HSDL2: variants seen among roughly 807,000 people sequenced by gnomAD.
HSDL2 encodes hydroxysteroid dehydrogenase-like protein 2.
HSDL2 carries 27 observed loss-of-function variants against 46.3 expected under a neutral mutation model. The ratio of observed to expected loss-of-function variants is 0.58; its 90% CI spans 0.43 to 0.80. The LOEUF (loss-of-function observed/expected upper bound fraction) is 0.80. Ranked by LOEUF, HSDL2 falls within the 30% of genes least tolerant of loss-of-function variation. HSDL2 has a pLI of 0.00. For synonymous variants in HSDL2, 153 were observed against 163.6 expected (o/e 0.94, Z 0.50); for missense variants, 451 against 502.7 (o/e 0.90, Z 0.98).
At chr9:112,403,907 A>G in intron 1 of HSDL2, 88 bp from the exon 2 acceptor site, 2 of 1,365,368 alleles carry the variant, frequency 1.5e-6, no homozygotes, top group South Asian at 1.3e-5. Context: ...GAGGAAACAT[A>G]TATTATGAAA....
intron 10 of HSDL2, among the ~76,000 whole-genome samples, chr9:112,465,315 G>A (rs2132715360): frequency 1.3e-5 from 2 of 152,222 alleles, no homozygotes; most frequent in East Asian, 3.9e-4. Context: ...TTTTAGTAGA[G>A]ACAGAATTTC....
intron 6 of HSDL2, among the ~76,000 whole-genome samples, chr9:112,421,000 A>G (rs536540745): frequency 1.3e-5 from 2 of 152,308 alleles, no homozygotes; most frequent in South Asian, 4.1e-4. Flanking sequence ...AAAAAAGAGA[A>G]TGCATAGTGG....
chr9:112,465,041 T>G (rs1833336609), intron 10 of HSDL2, among the ~76,000 whole-genome samples: 1 of 152,268 alleles, frequency 6.6e-6, no homozygotes. Context: ...AACATAATGT[T>G]TTCAAGTTTC....
chr9:112,413,253 CA>C (rs1311802598), intron 4 of HSDL2, among the ~76,000 whole-genome samples: 1 of 151,642 alleles, frequency 6.6e-6, no homozygotes, highest in Non-Finnish European at 1.5e-5. Flanking sequence ...CCAAGGCGGG[CA>C]GATTACATGA....
At chr9:112,418,155 C>G (rs1832035389) in intron 5 of HSDL2, among the ~76,000 whole-genome samples, 1 of 125,078 alleles carries the variant, frequency 8.0e-6, no homozygotes. Context: ...ATTACTGTCA[C>G]TTTTATTTTA....
At chr9:112,426,550 A>G (rs1441018292) in intron 6 of HSDL2, among the ~76,000 whole-genome samples, 2 of 152,004 alleles carry the variant, frequency 1.3e-5, no homozygotes, top group African/African-American at 4.8e-5. Context: ...CAAGGTTTCT[A>G]TGCAGTCTGT....
chr9:112,451,990 A>G (rs1159450737), intron 8 of HSDL2, among the ~76,000 whole-genome samples: 1 of 152,228 alleles, frequency 6.6e-6, no homozygotes, highest in Non-Finnish European at 1.5e-5. Context: ...GTCAATAAAA[A>G]GCAGTGTCAT....
intron 8 of HSDL2, among the ~76,000 whole-genome samples, chr9:112,453,370 C>T (rs552460197): frequency 1.8e-4 from 28 of 152,088 alleles, no homozygotes; most frequent in Non-Finnish European, 3.1e-4. Context: ...CCTCATACTC[C>T]AGTAGTTGTG....
At chr9:112,395,373 A>G (rs1303663695) in intron 1 of HSDL2, among the ~76,000 whole-genome samples, 1 of 152,190 alleles carries the variant, frequency 6.6e-6, no homozygotes, top group East Asian at 1.9e-4. Context: ...CAGGGGATTG[A>G]TGATCTCCTG....
chr9:112,406,712 C>G (rs1442847557), intron 3 of HSDL2, among the ~76,000 whole-genome samples: 1 of 152,224 alleles, frequency 6.6e-6, no homozygotes, highest in Non-Finnish European at 1.5e-5. Context: ...TCATGATCCA[C>G]CCAACTCAGC....
chr9:112,380,307 C>T (rs1831054314), intron 1 of HSDL2, 127 bp downstream of exon 1: 1 of 846,930 alleles, frequency 1.2e-6, no homozygotes, highest in South Asian at 1.8e-5. Context: ...CCTGGGCACG[C>T]TCTGAGCTCT....
At chr9:112,407,537 C>G (rs1230970988) in intron 3 of HSDL2, among the ~76,000 whole-genome samples, 1 of 152,138 alleles carries the variant, frequency 6.6e-6, no homozygotes, top group East Asian at 1.9e-4. Flanking sequence ...CAACCCCAGC[C>G]TCCCAAGAAG....
At position 112,438,639 on chromosome 9, in the gene HSDL2, AGTTTT is replaced by A; in HGVS notation, c.793+15_793+19del. The A allele has an allele frequency of 7.0e-7, 1 of 1,427,964 alleles. No homozygotes were observed. Among genetic ancestry groups the A allele is most frequent in the Non-Finnish European group, 9.6e-7 (1 of 1,036,670 alleles). The allele number at this position is 1,427,964 out of a possible 1,614,324, so 88.5% of individuals were successfully genotyped here. On this transcript the variant is annotated intron_variant, in intron 7 of 10. Transcript: ENST00000398805. ...CAATTAAACCAGGTAATGCTTTTATAGTTTTTAAAAGTAGTGATACGTTTTTCCAT... is the reference window on the plus strand; with the variant it reads ...CAATTAAACCAGGTAATGCTTTTATATAAAAGTAGTGATACGTTTTTCCAT...
chr9:112,454,751 G>C (rs936054012), intron 9 of HSDL2, among the ~76,000 whole-genome samples: 1 of 151,932 alleles, frequency 6.6e-6, no homozygotes, highest in Non-Finnish European at 1.5e-5. Flanking sequence ...TGTTGCCCAG[G>C]CTGGAGTGCA....
At chr9:112,464,993 T>C (rs1418342313) in intron 10 of HSDL2, among the ~76,000 whole-genome samples, 1 of 152,236 alleles carries the variant, frequency 6.6e-6, no homozygotes, top group Admixed American at 6.5e-5. Context: ...AACTGAGTCA[T>C]GTAATATGTG....
intron 10 of HSDL2, among the ~76,000 whole-genome samples, chr9:112,466,293 C>CTGT (rs1453971293): frequency 1.3e-5 from 2 of 152,174 alleles, no homozygotes; most frequent in Non-Finnish European, 2.9e-5. Context: ...AGTGGCTCAC[C>CTGT]TGTAATCCTA....
chr9:112,408,526 A>G (rs1831785455), intron 3 of HSDL2, among the ~76,000 whole-genome samples: 1 of 152,186 alleles, frequency 6.6e-6, no homozygotes. Context: ...TTATTAGGTG[A>G]TTTTATGATC....
intron 8 of HSDL2, among the ~76,000 whole-genome samples, chr9:112,443,962 A>C (rs1211199681): frequency 6.6e-6 from 1 of 152,240 alleles, no homozygotes; most frequent in African/African-American, 2.4e-5. Flanking sequence ...TACTGGCATC[A>C]GGCTTTGATA....
At chr9:112,413,482 T>C (rs1831923211) in intron 4 of HSDL2, among the ~76,000 whole-genome samples, 1 of 118,866 alleles carries the variant, frequency 8.4e-6, no homozygotes, top group Non-Finnish European at 1.8e-5. Context: ...CGAAATTCCC[T>C]CTCAAAAAAA....
Sources: gnomAD v4.1 joint callset for allele counts (sites outside exome capture counted in the v4.1 genomes callset) on GRCh38, gnomAD v4.1.1 for gene constraint, MANE v1.5 for transcripts, NCBI Gene and HGNC (gene_info 2026-07-23, HGNC 2026-07-21) for gene names.